The following SETD2 variants were observed in gnomAD, a reference collection of about 807,000 sequenced individuals.
SETD2 encodes the protein SET domain containing 2, histone lysine methyltransferase, also known as histone-lysine N-methyltransferase SETD2.
In SETD2, 31 loss-of-function variants were observed where a neutral mutation model predicts 242.1. The ratio of observed to expected loss-of-function variants is 0.13; its 90% confidence interval spans 0.10 to 0.17. The LOEUF (loss-of-function observed/expected upper bound fraction) is 0.17. SETD2 is among the 10% of genes least tolerant of loss of function. The probability of loss-of-function intolerance (pLI) is 1.00; values close to 1 mark genes in which losing one functional copy is unlikely to be tolerated. For synonymous variants in SETD2, 1,006 were observed against 1,066.5 expected, an observed-to-expected ratio of 0.94 and a Z score of 1.11; for missense variants, 2,481 against 3,046.3, an observed-to-expected ratio of 0.81 and a Z score of 4.37.
intron 14 of SETD2, among the ~76,000 whole-genome samples, chr3:47,058,470 A>AAAAAAAAAAAAAAAAAG (rs2040184082): frequency 6.7e-6 from 1 of 149,240 alleles, no homozygotes. Flanking sequence ...AAAAACACAA[A>AAAAAAAAAAAAAAAAAG]GAGGGAGAAT....
At position 47,106,136 on chromosome 3, in the gene SETD2, A is replaced by G. The variant is rs1392696309; in HGVS notation, c.4716-16T>C. On this transcript the variant is annotated splice_polypyrimidine_tract_variant and intron_variant, in intron 5 of 20. Coordinates refer to ENST00000409792, the MANE Select transcript of SETD2 (RefSeq NM_014159.7). Reference sequence around the variant, plus strand: ...AAAGGTGTTCCTGCAAACCAAAAGGAAAAAAATAGCACTTCCTACCTAGGA... The same window carrying G: ...AAAGGTGTTCCTGCAAACCAAAAGGGAAAAAATAGCACTTCCTACCTAGGA... 1 of 1,606,450 alleles carries G rather than the reference A, an allele frequency of 6.2e-7. No individual in the cohort carries two copies. The highest frequency in any genetic ancestry group is 1.1e-5 in the South Asian group (1 of 90,470).
At chr3:47,127,575 T>G (rs1242235621) in intron 1 of SETD2, 1 of 451,500 alleles carries the variant, frequency 2.2e-6, no homozygotes, top group African/African-American at 2.0e-5. Context: ...TAAAAATAAT[T>G]TTTAGGCCAG....
intron 17 of SETD2, among the ~76,000 whole-genome samples, chr3:47,038,306 C>T (rs1394833939): frequency 5.9e-5 from 9 of 152,080 alleles, no homozygotes; most frequent in Non-Finnish European, 1.0e-4. Flanking sequence ...AAGAAAAATA[C>T]GTACAGGTTA....
intron 9 of SETD2, among the ~76,000 whole-genome samples, chr3:47,095,793 A>G (rs1234865469): frequency 8.5e-5 from 13 of 152,168 alleles, no homozygotes; most frequent in Non-Finnish European, 1.8e-4. Flanking sequence ...ACCATCATGC[A>G]GAAGTTGAGA....
intron 1 of SETD2, chr3:47,127,426 G>C (rs2043362857): frequency 8.6e-6 from 2 of 233,654 alleles, no homozygotes; most frequent in Admixed American, 5.3e-5. Context: ...GGCAGAGTCA[G>C]AGATTAACAC....
Position 47,137,051 on chromosome 3 carries a change from A to C in SETD2, c.72-10388T>G, listed in dbSNP as rs537399341. ...CACCAACATGCAACATACACGTGTA[A>C]CAAACATGCACATGTACCCTTTGAA... is the stretch of plus-strand genomic sequence containing the variant. On this transcript the variant is annotated intron_variant, in intron 1 of 20. Coordinates refer to ENST00000409792, the MANE Select transcript of SETD2 (RefSeq NM_014159.7). 2.7e-4 allele frequency among the ~76,000 whole-genome samples: 41 copies of C among 152,334 alleles called. 1 individual carries two copies. Among genetic ancestry groups the C allele is most frequent in the African/African-American group, 8.7e-4 (36 of 41,590 alleles).
chr3:47,155,175 A>C (rs890050017), intron 1 of SETD2, among the ~76,000 whole-genome samples: 1 of 152,308 alleles, frequency 6.6e-6, no homozygotes, highest in African/African-American at 2.4e-5. Flanking sequence ...TGAAAAAAAA[A>C]GACATCTTTG....
intron 1 of SETD2, among the ~76,000 whole-genome samples, chr3:47,136,532 A>G (rs972906724): frequency 6.6e-6 from 1 of 152,230 alleles, no homozygotes; most frequent in African/African-American, 2.4e-5. Context: ...GAACTAACTC[A>G]GAAACAAAAG....
chr3:47,126,776 C>T, intron 1 of SETD2, 113 bp from the exon 2 acceptor site: 2 of 630,488 alleles, frequency 3.2e-6, no homozygotes, highest in East Asian at 5.6e-5. Flanking sequence ...TTACTACCTA[C>T]AGGTATATTC....
intron 1 of SETD2, among the ~76,000 whole-genome samples, chr3:47,156,463 A>G (rs1444833817): frequency 6.6e-6 from 1 of 152,194 alleles, no homozygotes. Context: ...GTTGCTTGAT[A>G]CTTTTCTAAA....
chr3:47,117,281 CAAACAA>C (rs1559737533), intron 3 of SETD2, among the ~76,000 whole-genome samples: 1 of 53,600 alleles, frequency 1.9e-5, no homozygotes, highest in Non-Finnish European at 3.7e-5. Flanking sequence ...AAAAAAAAAA[CAAACAA>C]AAAAAAAAAC....
At chr3:47,030,886 T>C (rs963490050) in intron 18 of SETD2, among the ~76,000 whole-genome samples, 3 of 152,178 alleles carry the variant, frequency 2.0e-5, no homozygotes, top group African/African-American at 7.2e-5. Flanking sequence ...ATAAACAAAC[T>C]GCGGCGCACT....
chr3:47,045,106 G>C lies in SETD2; in HGVS notation c.7098+1381C>G, dbSNP rs559957722. On this transcript the variant is annotated intron_variant, in intron 16 of 20. Transcript: ENST00000409792. ...AGCTGGTCTAGGAAATTGTTACTTCGGCCAGGTGTGGTGGCTCACGCCTGT... is the reference window on the plus strand; with the variant it reads ...AGCTGGTCTAGGAAATTGTTACTTCCGCCAGGTGTGGTGGCTCACGCCTGT... 3.0e-4 allele frequency among the ~76,000 whole-genome samples: 46 copies of C among 152,284 alleles called. No individual in the cohort carries two copies. The Middle Eastern group carries it at 0.01, about 34-fold the overall frequency.
intron 10 of SETD2, 102 bp downstream of exon 10, chr3:47,088,011 A>AT: frequency 8.6e-7 from 1 of 1,163,354 alleles, no homozygotes; most frequent in South Asian, 1.8e-5. Flanking sequence ...AAATAAATAA[A>AT]ATAAGACTAA....
At chr3:47,151,939 T>C (rs1441918438) in intron 1 of SETD2, among the ~76,000 whole-genome samples, 3 of 151,906 alleles carry the variant, frequency 2.0e-5, no homozygotes, top group African/African-American at 7.3e-5. Flanking sequence ...AGCAATACTA[T>C]AATTGGGGGA....
intron 1 of SETD2, among the ~76,000 whole-genome samples, chr3:47,134,692 C>T (rs1381078175): frequency 6.6e-6 from 1 of 151,878 alleles, no homozygotes; most frequent in Non-Finnish European, 1.5e-5. Flanking sequence ...TGCAATGGCA[C>T]GATCTTGGCT....
At chr3:47,146,624 C>CT (rs2043861801) in intron 1 of SETD2, among the ~76,000 whole-genome samples, 1 of 78,482 alleles carries the variant, frequency 1.3e-5, no homozygotes, top group African/African-American at 6.3e-5. Context: ...GAGACTCCGT[C>CT]TAAAAAAAAA....
rs781658728 is a variant in SETD2, at chr3:47,122,930, A to C, written c.1706T>G (p.Phe569Cys). 17 of 1,610,518 alleles carry C rather than the reference A, an allele frequency of 1.1e-5. No individual in the cohort carries two copies. In the African/African-American group the frequency reaches 1.3e-4, roughly 13 times the overall value. The change falls in exon 3 of 21, where the codon TTT (phenylalanine) becomes TGT (cysteine). Residue 569 changes from phenylalanine to cysteine, a missense_variant. Physicochemically the swap from Phe to Cys is radical, Grantham distance 205 (BLOSUM62 -2). Transcript: ENST00000409792. ...LSKPIPKSDK[F>C]KNSFCCTELN... The stretch of plus-strand genomic sequence containing the variant: ...TTCTGTACAACAGAAAGAATTTTTA[A>C]ATTTATCAGACTTGGGTATAGGTTT...
chr3:47,145,558 C>A, intron 1 of SETD2: 1 of 416,332 alleles, frequency 2.4e-6, no homozygotes, highest in South Asian at 1.7e-5. Flanking sequence ...CCCAGCTTGG[C>A]TGTGTTTTGA....
Sources: allele counts gnomAD v4.1 joint callset (sites outside exome capture counted in the v4.1 genomes callset), GRCh38; gene constraint gnomAD v4.1.1; transcripts MANE v1.5; gene names NCBI Gene and HGNC (gene_info 2026-07-23, HGNC 2026-07-21).